The following ZNF195 variants were observed in gnomAD, a reference collection of about 807,000 sequenced individuals.
ZNF195 encodes the protein zinc finger protein 195, also known as hypoxia-regulated factor-1.
Under a neutral mutation model 19.5 loss-of-function variants are expected in ZNF195, and 11 were observed. The ratio of observed to expected loss-of-function variants is 0.57; its 90% CI spans 0.36 to 0.94. The LOEUF (loss-of-function observed/expected upper bound fraction) is 0.94. ZNF195 is among the 40% of genes least tolerant of loss of function. The probability of loss-of-function intolerance (pLI) is 0.01; values close to 1 mark genes in which losing one functional copy is unlikely to be tolerated. For missense variants in ZNF195, 582 were observed against 709.0 expected, an observed-to-expected ratio of 0.82 and a Z score of 2.03; for synonymous variants, 214 against 248.1, an observed-to-expected ratio of 0.86 and a Z score of 1.29.
At chr11:3,375,084 CA>C (rs958948289) in intron 1 of ZNF195, among the ~76,000 whole-genome samples, 21 of 152,258 alleles carry the variant, frequency 1.4e-4, no homozygotes, top group African/African-American at 5.1e-4. Context: ...TAGCTAAACC[CA>C]AAACTCTGAT....
At position 3,358,977 on chromosome 11, in the gene ZNF195, T is replaced by C. The variant is rs1848500494; in HGVS notation, c.*141A>G. The C allele has an allele frequency of 9.0e-7, 1 of 1,106,590 alleles. No homozygotes were observed. Among genetic ancestry groups the C allele is most frequent in the Admixed American group, 3.5e-5 (1 of 28,412 alleles). 68.5% of individuals were successfully genotyped at this position (1,106,590 alleles called of 1,614,324 possible). A position where few individuals can be genotyped will look rare whatever the true frequency, so the allele number is the denominator to read the frequency against. On this transcript the variant is annotated 3_prime_UTR_variant, in exon 6 of 6. Transcript: ENST00000399602. ...TTTCAGAAGAAATACTCTTGTGTGC[T>C]CTGGAGACTTATATTTCATGAAAGG...
intron 1 of ZNF195, chr11:3,373,758 C>T (rs1291930618): frequency 1.1e-5 from 9 of 827,350 alleles, no homozygotes; most frequent in Admixed American, 5.0e-5. Flanking sequence ...AAAAAGTCCA[C>T]GCTTTTCTGT....
At chr11:3,373,499 GT>G (rs1849313324) in intron 1 of ZNF195, 2 of 1,164,600 alleles carry the variant, frequency 1.7e-6, no homozygotes, top group African/African-American at 3.0e-5. Context: ...AAGTAGAGAA[GT>G]AAAGGTTTCC....
intron 4 of ZNF195, among the ~76,000 whole-genome samples, chr11:3,361,194 C>A (rs940136084): frequency 6.6e-6 from 1 of 152,196 alleles, no homozygotes; most frequent in Non-Finnish European, 1.5e-5. Flanking sequence ...CAAGACACAT[C>A]CCAGAACAGG....
In ZNF195 at chr11:3,366,608, T is replaced by C. The variant is rs543739694; in HGVS notation, c.226+4367A>G. ...AATGAATGCTCAAATTACTTATCTA[T>C]AGAGAAATGCAAAACAAAATCACAA... is the stretch of plus-strand genomic sequence containing the variant. On this transcript the variant is annotated intron_variant, in intron 3 of 5. Transcript: ENST00000399602. The C allele has an allele frequency of 4.6e-5, 7 of 153,124 alleles. 1 individual carries two copies. Among genetic ancestry groups the C allele is most frequent in the Admixed American group, 1.3e-4 (2 of 15,308 alleles). 9.5% of individuals were successfully genotyped at this position (153,124 alleles called of 1,614,324 possible).
At position 3,359,710 on chromosome 11, in the gene ZNF195, G is replaced by A. The variant is rs761670905; in HGVS notation, c.1298C>T (p.Thr433Ile). 6.2e-7 allele frequency: 1 copy of A among 1,614,132 alleles called. No individual in the cohort carries two copies. Among genetic ancestry groups the A allele is most frequent in the Non-Finnish European group, 8.5e-7 (1 of 1,179,948 alleles). ...GTCACATTTGTATGGTTTCTCACCA[G>A]TGTGAATTCTCTTATGTTTAGTAAG... ...SDLTKHKRIH[T>I]GEKPYKCDEC... is the part of the protein sequence containing the mutation. The change falls in exon 6 of 6, where the codon ACT becomes ATT. Residue 433 changes from threonine to isoleucine, a missense_variant. Coordinates refer to ENST00000399602, the MANE Select transcript of ZNF195 (RefSeq NM_001130520.3). The surrounding 1 kb of genome is among the most constrained non-coding windows in gnomAD (Gnocchi z 5.5).
intron 3 of ZNF195, 61 bp downstream of exon 3, chr11:3,370,914 G>A (rs1338611468): frequency 1.9e-6 from 3 of 1,561,128 alleles, no homozygotes; most frequent in Non-Finnish European, 2.6e-6. Context: ...TTAAGGTCTG[G>A]CTTCCTCCTC....
intron 1 of ZNF195, among the ~76,000 whole-genome samples, chr11:3,376,168 C>T (rs950027630): frequency 6.6e-6 from 1 of 151,938 alleles, no homozygotes; most frequent in Non-Finnish European, 1.5e-5. Context: ...CTCCCGGGCT[C>T]TGCAGCTTCT....
intron 3 of ZNF195, chr11:3,367,268 T>C (rs1342785486): frequency 5.9e-6 from 1 of 169,264 alleles, no homozygotes; most frequent in Non-Finnish European, 1.3e-5. Context: ...AGAAAAAATG[T>C]GGTATATACA....
intron 1 of ZNF195, chr11:3,375,427 A>G (rs528851715): frequency 6.6e-6 from 1 of 152,308 alleles, no homozygotes; most frequent in South Asian, 2.1e-4. Context: ...AGCCGGGCAA[A>G]AGCAACAGAA....
chr11:3,370,200 AC>A (rs1849129625), intron 3 of ZNF195, among the ~76,000 whole-genome samples: 1 of 10,232 alleles, frequency 9.8e-5, no homozygotes, highest in South Asian at 1.9e-3. Flanking sequence ...ATATATACAC[AC>A]ACATATATAC....
Position 3,379,043 on chromosome 11 carries a change from C to G in ZNF195, c.-3G>C. ...GGCCTGGCCCCTACACTCACCATCT[C>G]CTGGCCTCCAGAGAGCCTGGCGTTT... On this transcript the variant is annotated 5_prime_UTR_variant, in exon 1 of 6. Coordinates refer to ENST00000399602, the MANE Select transcript of ZNF195 (RefSeq NM_001130520.3). The G allele has an allele frequency of 6.7e-7, 1 of 1,495,880 alleles. No individual in the cohort carries two copies. The highest frequency in any genetic ancestry group is 9.0e-7 in the Non-Finnish European group (1 of 1,112,578). 92.7% of individuals were successfully genotyped at this position (1,495,880 alleles called of 1,614,324 possible). A position where few individuals can be genotyped will look rare whatever the true frequency, so the allele number is the denominator to read the frequency against.
At chr11:3,377,758 A>G (rs1417698863) in intron 1 of ZNF195, 2 of 1,042,620 alleles carry the variant, frequency 1.9e-6, no homozygotes, top group Non-Finnish European at 2.4e-6. Context: ...TCCAGCAGAC[A>G]TGGCCATGGT....
intron 1 of ZNF195, chr11:3,375,535 G>A (rs1336202432): frequency 6.6e-6 from 1 of 152,150 alleles, no homozygotes; most frequent in African/African-American, 2.4e-5. Context: ...TGAAGCAGAA[G>A]TCCCTTTGAC....
At position 3,360,780 on chromosome 11, in the gene ZNF195, A is replaced by G. The variant is rs374162006; in HGVS notation, c.382T>C (p.Ser128Pro). The G allele has an allele frequency of 1.6e-4, 253 of 1,551,566 alleles. 1 individual carries two copies. In the African/African-American group the frequency reaches 3.2e-3, roughly 20 times the overall value. ...VSVDKFTALCSPGVLQTVKWF... is the reference protein window; with the variant it reads ...VSVDKFTALCPPGVLQTVKWF... ...TTCACAGTTTGCAGCACCCCAGGTG[A>G]GCACAGTGCTAGGAGCCAGATAAGA... The change falls in exon 5 of 6, where the codon TCA becomes CCA. Residue 128 changes from serine (S) to proline (P), a missense_variant. Ser to Pro is a moderately conservative substitution (Grantham distance 74). Coordinates refer to ENST00000399602, the MANE Select transcript of ZNF195 (RefSeq NM_001130520.3).
intron 3 of ZNF195, among the ~76,000 whole-genome samples, chr11:3,367,551 A>G (rs1231113679): frequency 6.6e-6 from 1 of 152,106 alleles, no homozygotes; most frequent in Non-Finnish European, 1.5e-5. Flanking sequence ...AAGAGATACT[A>G]AAGGTAATTT....
chr11:3,373,647 C>G, intron 1 of ZNF195: 1 of 1,547,948 alleles, frequency 6.5e-7, no homozygotes, highest in Non-Finnish European at 8.7e-7. Context: ...ATTCTCTGGA[C>G]AAATCACACC....
At position 3,379,140 on chromosome 11, in the gene ZNF195, A is replaced by C. The variant is rs1304454269; in HGVS notation, c.-100T>G. 22 of 1,377,718 alleles carry C rather than the reference A, an allele frequency of 1.6e-5. No individual in the cohort carries two copies. The highest frequency in any genetic ancestry group is 2.1e-5 in the Non-Finnish European group (22 of 1,050,034). The allele number at this position is 1,377,718 out of a possible 1,614,324, so 85.3% of individuals were successfully genotyped here. A position where few individuals can be genotyped will look rare whatever the true frequency, so the allele number is the denominator to read the frequency against. On this transcript the variant is annotated 5_prime_UTR_variant, in exon 1 of 6. Coordinates refer to ENST00000399602, the MANE Select transcript of ZNF195 (RefSeq NM_001130520.3). ...GCAGGGGACACAGAGCCGCGGGGACAGGAAGTGGAGCTCTGTCGGGACAAA... is the reference window on the plus strand; with the variant it reads ...GCAGGGGACACAGAGCCGCGGGGACCGGAAGTGGAGCTCTGTCGGGACAAA...
chr11:3,369,672 G>C (rs930836036), intron 3 of ZNF195, among the ~76,000 whole-genome samples: 30 of 152,220 alleles, frequency 2.0e-4, no homozygotes, highest in African/African-American at 5.3e-4. Flanking sequence ...CTCAGACGTG[G>C]AATCTGTCGT....
Sources: gnomAD v4.1 joint callset for allele counts (sites outside exome capture counted in the v4.1 genomes callset) on GRCh38, gnomAD v4.1.1 for gene constraint, Gnocchi (gnomAD v3.1) non-coding constraint, MANE v1.5 for transcripts, NCBI Gene and HGNC (gene_info 2026-07-23, HGNC 2026-07-21) for gene names.